The following MGST2 variants were observed in gnomAD, a reference collection of about 807,000 sequenced individuals.
The protein encoded by MGST2 is microsomal glutathione S-transferase 2.
A neutral mutation model predicts 16.6 loss-of-function variants in MGST2; 9 were observed. The observed-to-expected ratio is 0.54, with a 90% confidence interval of 0.33 to 0.95. The LOEUF is 0.95. Among genes scored for constraint, MGST2 ranks in the 40% least tolerant of loss-of-function variants. MGST2 has a pLI of 0.03. For synonymous variants in MGST2, 79 were observed against 68.0 expected, an observed-to-expected ratio of 1.16 and a Z score of -0.79; for missense variants, 159 against 175.1, an observed-to-expected ratio of 0.91 and a Z score of 0.52.
At chr4:139,719,470 C>T (rs1210241641) in intron 5 of MGST2, 1 of 1,614,020 alleles carries the variant, frequency 6.2e-7, no homozygotes, top group East Asian at 2.2e-5. Flanking sequence ...ATGACACGTC[C>T]TGAGGGGCAT....
At chr4:139,711,383 A>G (rs1174973058) in intron 5 of MGST2, among the ~76,000 whole-genome samples, 1 of 152,154 alleles carries the variant, frequency 6.6e-6, no homozygotes, top group African/African-American at 2.4e-5. Context: ...GTAAAGGAAT[A>G]AAAGAATGGC....
chr4:139,749,686 G>A, the MGST2 span, among the ~76,000 whole-genome samples: 6 of 152,204 alleles, frequency 3.9e-5, no homozygotes, highest in African/African-American at 1.4e-4. Flanking sequence ...ATTTTCACAT[G>A]CAATTCACAG....
chr4:139,735,520 G>T lies in MGST2; in HGVS notation c.*49-4692G>T, dbSNP rs1474111149. On this transcript the variant is annotated intron_variant, in intron 5 of 5. Transcript: ENST00000616265. This position sits in a 1 kb window ranked among gnomAD's most constrained non-coding sequence, Gnocchi z 5.8. Reference sequence around the variant, plus strand: ...ACCCCAGGGCCGACAGCCCGGGAGGGACCGGGTTCCAGGACCCCAGCTGCA... The same window carrying T: ...ACCCCAGGGCCGACAGCCCGGGAGGTACCGGGTTCCAGGACCCCAGCTGCA... 6.6e-6 allele frequency among the ~76,000 whole-genome samples: 1 copy of T among 152,064 alleles called. No homozygotes were observed. The highest frequency in any genetic ancestry group is 2.4e-5 in the African/African-American group (1 of 41,414).
rs572699199 is a variant in MGST2, at chr4:139,692,341, C to T, written c.159-2856C>T. ...CACCCAGGATCCCAGCACCCCGGTT[C>T]CCCATCTTCCCAATTCCTTCTGGGA... On this transcript the variant is annotated intron_variant, in intron 2 of 4. Coordinates refer to ENST00000265498, the MANE Select transcript of MGST2 (RefSeq NM_002413.5). Among the ~76,000 whole-genome samples the T allele has an allele frequency of 4.6e-5, 7 of 152,340 alleles. No homozygotes were observed. The South Asian group carries it at 1.4e-3, about 32-fold the overall frequency.
chr4:139,712,171 A>G (rs1727767715), intron 5 of MGST2, among the ~76,000 whole-genome samples: 2 of 152,236 alleles, frequency 1.3e-5, no homozygotes, highest in African/African-American at 2.4e-5. Context: ...CAACTGTGCA[A>G]CTGTTGAAAC....
chr4:139,750,982 A>G, the MGST2 span, among the ~76,000 whole-genome samples: 3 of 152,196 alleles, frequency 2.0e-5, no homozygotes, highest in Non-Finnish European at 4.4e-5. Flanking sequence ...ACACCTGGCA[A>G]GCTGCCTCCT....
At chr4:139,683,518 T>C (rs1338143806) in intron 2 of MGST2, among the ~76,000 whole-genome samples, 1 of 152,150 alleles carries the variant, frequency 6.6e-6, no homozygotes, top group Non-Finnish European at 1.5e-5. Flanking sequence ...TTGGATTGTT[T>C]ATGATTGCAT....
chr4:139,710,505 T>G (rs1393706988), intron 5 of MGST2, among the ~76,000 whole-genome samples: 1 of 152,168 alleles, frequency 6.6e-6, no homozygotes, highest in Non-Finnish European at 1.5e-5. Flanking sequence ...TTCTCAGAGC[T>G]TCACGTTTTT....
chr4:139,750,102 T>C, the MGST2 span, among the ~76,000 whole-genome samples: 1 of 152,224 alleles, frequency 6.6e-6, no homozygotes, highest in South Asian at 2.1e-4. Flanking sequence ...GGCAGAGTGC[T>C]TTGGAATTCA....
chr4:139,747,102 A>T, the MGST2 span, among the ~76,000 whole-genome samples: 3 of 152,204 alleles, frequency 2.0e-5, no homozygotes, highest in African/African-American at 7.2e-5. Flanking sequence ...AAAGGGGTTG[A>T]GGATGGAGGG....
chr4:139,751,475 AGTTT>A, the MGST2 span, among the ~76,000 whole-genome samples: 1 of 152,234 alleles, frequency 6.6e-6, no homozygotes, highest in Admixed American at 6.5e-5. Flanking sequence ...CATGAAACAA[AGTTT>A]TGACTGCATT....
intron 5 of MGST2, chr4:139,725,922 G>A (rs1437384062): frequency 9.0e-7 from 1 of 1,107,916 alleles, no homozygotes; most frequent in Non-Finnish European, 1.4e-6. Context: ...GAGGAAGGTA[G>A]TGTTTTCCCC....
At position 139,735,199 on chromosome 4, in the gene MGST2, G is replaced by A. The variant is rs962804172; in HGVS notation, c.*49-5013G>A. 9.2e-5 allele frequency among the ~76,000 whole-genome samples: 14 copies of A among 152,234 alleles called. No homozygotes were observed. Among genetic ancestry groups the A allele is most frequent in the African/African-American group, 3.1e-4 (13 of 41,460 alleles). ...ACCGAGCAGATGGTGTTCGCACGGC[G>A]TGATGGACATCACACACGACAGCCT... On this transcript the variant is annotated intron_variant, in intron 5 of 5. Transcript: ENST00000616265. This position sits in a 1 kb window ranked among gnomAD's most constrained non-coding sequence, Gnocchi z 5.8.
downstream of MGST2, among the ~76,000 whole-genome samples, chr4:139,743,309 G>C (rs534800095): frequency 6.6e-6 from 1 of 152,236 alleles, no homozygotes; most frequent in Non-Finnish European, 1.5e-5. Context: ...CTAACCTGCT[G>C]TTCAGGAGAC....
chr4:139,698,643 G>A, intron 3 of MGST2: 3 of 849,650 alleles, frequency 3.5e-6, no homozygotes. Context: ...AGCCAAGTAT[G>A]TGTTTCTTAT....
chr4:139,687,033 A>G (rs1731601587), intron 2 of MGST2, among the ~76,000 whole-genome samples: 1 of 152,238 alleles, frequency 6.6e-6, no homozygotes. Context: ...TGTCCCAGGA[A>G]TAAAACTGAA....
intron 5 of MGST2, among the ~76,000 whole-genome samples, chr4:139,710,643 T>C (rs1727701077): frequency 6.6e-6 from 1 of 152,194 alleles, no homozygotes; most frequent in African/African-American, 2.4e-5. Flanking sequence ...TGCTGTTTCC[T>C]ACATGGTGTT....
chr4:139,708,729 G>A (rs531740169), downstream of MGST2, among the ~76,000 whole-genome samples: 10 of 152,082 alleles, frequency 6.6e-5, no homozygotes, highest in Non-Finnish European at 1.0e-4. Flanking sequence ...TGGGCCAGGC[G>A]CGGTGGCTCA....
rs866477668 is a variant in MGST2 at position 139,701,108 on chromosome 4, C to T, written c.230-2347C>T. Among the ~76,000 whole-genome samples the T allele has an allele frequency of 3.9e-5, 6 of 152,276 alleles. No homozygotes were observed. The South Asian group carries it at 1.0e-3, about 26-fold the overall frequency. ...GCACGTTAACAACTAATAAGAAAAG[C>T]GCCTTTTGGTAATGGGACTCTGTCT... On this transcript the variant is annotated intron_variant, in intron 3 of 4. Transcript: ENST00000265498.
Sources: gnomAD v4.1 joint callset for allele counts (sites outside exome capture counted in the v4.1 genomes callset) on GRCh38, gnomAD v4.1.1 for gene constraint, Gnocchi (gnomAD v3.1) non-coding constraint, MANE v1.5 for transcripts, NCBI Gene and HGNC (gene_info 2026-07-23, HGNC 2026-07-21) for gene names.